The following ACACA variants were observed in gnomAD, a reference collection of about 807,000 sequenced individuals.
ACACA encodes the protein acetyl-CoA carboxylase alpha.
ACACA carries 103 observed loss-of-function variants against 296.1 expected under a neutral mutation model. The ratio of observed to expected loss-of-function variants is 0.35; its 90% CI spans 0.30 to 0.41. The LOEUF is 0.41. Ranked by LOEUF, ACACA falls within the 10% of genes least tolerant of loss-of-function variation. ACACA has a pLI of 1.00. For missense variants in ACACA, 1,554 were observed against 2,989.7 expected (o/e 0.52, Z 11.20); for synonymous variants, 953 against 1,038.6 (o/e 0.92, Z 1.58).
intron 30 of ACACA, among the ~76,000 whole-genome samples, chr17:37,208,729 A>C (rs923589504): frequency 1.3e-5 from 2 of 152,222 alleles, no homozygotes; most frequent in Non-Finnish European, 2.9e-5. Flanking sequence ...CTGATAAATA[A>C]TACTGTAAAG....
chr17:37,229,302 TTC>T (rs1195799193), intron 25 of ACACA, among the ~76,000 whole-genome samples: 1 of 152,128 alleles, frequency 6.6e-6, no homozygotes, highest in Non-Finnish European at 1.5e-5. Context: ...TCATGTTTTG[TTC>T]TGTTTTGTTT....
At chr17:37,216,871 C>T (rs995608474) in intron 29 of ACACA, among the ~76,000 whole-genome samples, 4 of 151,940 alleles carry the variant, frequency 2.6e-5, no homozygotes, top group African/African-American at 9.7e-5. Context: ...AAAAACTCTG[C>T]TGCCAGTTTG....
intron 10 of ACACA, among the ~76,000 whole-genome samples, chr17:37,266,781 C>T (rs2081799633): frequency 6.6e-6 from 1 of 152,208 alleles, no homozygotes; most frequent in African/African-American, 2.4e-5. Context: ...ATACTTTAAA[C>T]ACTTGTAGAG....
chr17:37,173,982 T>TTTTATATATATATATATATATATA (rs1410582295), intron 41 of ACACA, among the ~76,000 whole-genome samples: 1 of 19,450 alleles, frequency 5.1e-5, no homozygotes, highest in Admixed American at 9.0e-4. Context: ...CCTGGCTAAT[T>TTTTATATATATATATATATATATA]TATATATATA....
intron 3 of ACACA, among the ~76,000 whole-genome samples, chr17:37,317,517 C>G (rs2047154111): frequency 6.6e-6 from 1 of 152,060 alleles, no homozygotes; most frequent in Non-Finnish European, 1.5e-5. Flanking sequence ...GAGCCAAGAT[C>G]ATGCCACTGT....
intron 3 of ACACA, among the ~76,000 whole-genome samples, chr17:37,303,865 A>G (rs1468721320): frequency 6.6e-6 from 1 of 152,236 alleles, no homozygotes; most frequent in African/African-American, 2.4e-5. Flanking sequence ...CTCAAAAAAA[A>G]GAAAGTGTCA....
intron 45 of ACACA, among the ~76,000 whole-genome samples, chr17:37,145,033 T>C (rs762148502): frequency 6.6e-6 from 1 of 152,202 alleles, no homozygotes; most frequent in East Asian, 1.9e-4. Flanking sequence ...TGAGAGCTAG[T>C]AGGCTCCAGT....
chr17:37,214,801 G>T (rs2078911844), intron 29 of ACACA, among the ~76,000 whole-genome samples: 1 of 152,202 alleles, frequency 6.6e-6, no homozygotes, highest in South Asian at 2.1e-4. Context: ...AGCACTGTAA[G>T]ATTTCATTTA....
chr17:37,085,879 G>C lies in ACACA; in HGVS notation c.*1437C>G. The stretch of plus-strand genomic sequence containing the variant: ...CAAATGTCTTAGTGATTTCCTCCTT[G>C]GTCATCAGTGACAAATGCAGTTAGC... On this transcript the variant is annotated 3_prime_UTR_variant, in exon 56 of 56. Coordinates refer to ENST00000616317, the MANE Select transcript of ACACA (RefSeq NM_198834.3). 1 of 398,996 alleles carries C rather than the reference G, an allele frequency of 2.5e-6. No homozygotes were observed. Among genetic ancestry groups the C allele is most frequent in the Non-Finnish European group, 4.4e-6 (1 of 226,094 alleles). The allele number at this position is 398,996 out of a possible 1,614,324, so 24.7% of individuals were successfully genotyped here.
At chr17:37,186,081 G>A (rs1166162794) in intron 39 of ACACA, among the ~76,000 whole-genome samples, 1 of 152,234 alleles carries the variant, frequency 6.6e-6, no homozygotes, top group Non-Finnish European at 1.5e-5. Context: ...GCTAGGGCAA[G>A]AGGCTGATAG....
intron 1 of ACACA, among the ~76,000 whole-genome samples, chr17:37,355,981 C>T (rs1252854187): frequency 6.6e-6 from 1 of 152,002 alleles, no homozygotes; most frequent in Non-Finnish European, 1.5e-5. Context: ...CCAGCCTGGC[C>T]GACATGACGA....
intron 3 of ACACA, among the ~76,000 whole-genome samples, chr17:37,318,711 C>A (rs1329879202): frequency 2.0e-5 from 3 of 152,098 alleles, no homozygotes; most frequent in African/African-American, 7.2e-5. Context: ...TAAAAGGACT[C>A]CTTGATAATA....
Position 37,085,621 on chromosome 17 carries a change from AC to A in ACACA, c.*1694del, listed in dbSNP as rs1359309182. ...ATGCCCTTTTCTGAAGGTGCTGAAC[AC>A]CTGTACCTTCCACCAGGGCAGCCGG... On this transcript the variant is annotated 3_prime_UTR_variant, in exon 56 of 56. Transcript: ENST00000616317. The A allele has an allele frequency of 3.5e-5, 14 of 398,900 alleles. No individual in the cohort carries two copies. Among genetic ancestry groups the A allele is most frequent in the Non-Finnish European group, 5.7e-5 (13 of 226,152 alleles). The allele number at this position is 398,900 out of a possible 1,614,324, so 24.7% of individuals were successfully genotyped here.
At chr17:37,388,454 G>A (rs1319041504) in intron 1 of ACACA, among the ~76,000 whole-genome samples, 1 of 152,030 alleles carries the variant, frequency 6.6e-6, no homozygotes, top group African/African-American at 2.4e-5. Context: ...TCAGTGGGAA[G>A]AGAGTGCAAA....
intron 10 of ACACA, among the ~76,000 whole-genome samples, chr17:37,268,590 A>G (rs575947004): frequency 1.1e-3 from 166 of 152,192 alleles, no homozygotes; most frequent in Non-Finnish European, 2.0e-3. Flanking sequence ...TATCTAGGGG[A>G]AAAGTAGCCT....
intron 1 of ACACA, among the ~76,000 whole-genome samples, chr17:37,364,995 CAG>C (rs1244537267): frequency 1.3e-5 from 2 of 151,996 alleles, no homozygotes; most frequent in African/African-American, 2.4e-5. Context: ...TTTTCTGAGA[CAG>C]AGTCTCGCTC....
intron 54 of ACACA, among the ~76,000 whole-genome samples, chr17:37,096,368 G>T (rs527812321): frequency 6.6e-6 from 1 of 152,278 alleles, no homozygotes; most frequent in African/African-American, 2.4e-5. Context: ...ACAGTTGCAG[G>T]ATGTTCCTTT....
intron 14 of ACACA, 92 bp downstream of exon 14, chr17:37,257,611 C>G (rs1002093128): frequency 2.4e-6 from 3 of 1,263,270 alleles, no homozygotes; most frequent in Non-Finnish European, 3.4e-6. Flanking sequence ...ATTACTTTGA[C>G]AGCAGATGAT....
chr17:37,256,046 CAA>C (rs1281908434), intron 14 of ACACA, among the ~76,000 whole-genome samples: 3 of 152,150 alleles, frequency 2.0e-5, no homozygotes. Context: ...CGTGCCCAGG[CAA>C]AATTAGCTAA....
Sources: allele counts gnomAD v4.1 joint callset (sites outside exome capture counted in the v4.1 genomes callset), GRCh38; gene constraint gnomAD v4.1.1; transcripts MANE v1.5; gene names NCBI Gene and HGNC (gene_info 2026-07-23, HGNC 2026-07-21).